DSC1: variants seen among roughly 807,000 people sequenced by gnomAD.
DSC1 encodes desmocollin 1, also known as desmocollin-1.
A neutral mutation model predicts 98.8 loss-of-function variants in DSC1; 79 were observed. The ratio of observed to expected loss-of-function variants is 0.80; its 90% CI spans 0.67 to 0.96. The LOEUF is 0.96. Among genes scored for constraint, DSC1 ranks in the 50% least tolerant of loss-of-function variants. The pLI is 0.00. For synonymous variants in DSC1, 405 were observed against 372.1 expected, an observed-to-expected ratio of 1.09 and a Z score of -1.02; for missense variants, 1,115 against 1,075.9, an observed-to-expected ratio of 1.04 and a Z score of -0.51.
At position 31,133,887 on chromosome 18, in the gene DSC1, T is replaced by C; in HGVS notation, c.2116+4A>G. On this transcript the variant is annotated splice_donor_region_variant and intron_variant, in intron 13 of 15. Coordinates refer to ENST00000257198, the MANE Select transcript of DSC1 (RefSeq NM_024421.2). ...TTCTAGATAATGATACTTAATATACTTACATAATAACAATACAGAACCCAA... is the reference window on the plus strand; with the variant it reads ...TTCTAGATAATGATACTTAATATACCTACATAATAACAATACAGAACCCAA... The C allele has an allele frequency of 2.5e-6, 4 of 1,606,084 alleles. No homozygotes were observed. The highest frequency in any genetic ancestry group is 3.4e-6 in the Non-Finnish European group (4 of 1,175,748).
In DSC1 at chr18:31,132,618, G is replaced by A. The variant is rs1237560581; in HGVS notation, c.2188C>T (p.Gln730Ter). The A allele has an allele frequency of 6.2e-7, 1 of 1,613,456 alleles. No individual in the cohort carries two copies. Among genetic ancestry groups the A allele is most frequent in the Non-Finnish European group, 8.5e-7 (1 of 1,179,642 alleles). ...VKKCFPEDIA[Q>*]QNLIVSNTEG... is the part of the protein sequence containing the mutation. ...GTATTTGATACAATTAAATTTTGCT[G>A]GGCTATGTCTTCTGGAAAACATTTC... Residue 730 changes from glutamine (Q) to a stop codon, truncating the protein, a stop_gained, in exon 14 of 16, where the codon CAG becomes TAG. Coordinates refer to ENST00000257198, the MANE Select transcript of DSC1 (RefSeq NM_024421.2). LOFTEE classifies it high-confidence loss of function.
At chr18:31,132,473 A>G in intron 14 of DSC1, 95 bp downstream of exon 14, 1 of 1,521,810 alleles carries the variant, frequency 6.6e-7, no homozygotes, top group East Asian at 2.3e-5. Flanking sequence ...TAAGTGCTCA[A>G]TAAACATTAG....
chr18:31,148,733 A>G, intron 5 of DSC1, 91 bp from the exon 6 acceptor site: 4 of 1,288,542 alleles, frequency 3.1e-6, no homozygotes, highest in Non-Finnish European at 4.2e-6. Flanking sequence ...GTAACATTAA[A>G]AAAAAAAATC....
intron 9 of DSC1, 135 bp downstream of exon 9, chr18:31,141,864 G>C (rs1248394118): frequency 2.3e-5 from 19 of 842,418 alleles, no homozygotes; most frequent in Non-Finnish European, 3.2e-5. Flanking sequence ...AAACAACAAA[G>C]TTTATATAAA....
At chr18:31,148,771 G>A (rs966712690) in intron 5 of DSC1, 129 bp from the exon 6 acceptor site, 2 of 881,160 alleles carry the variant, frequency 2.3e-6, no homozygotes, top group Non-Finnish European at 3.3e-6. Flanking sequence ...ACTAAGAAAT[G>A]ATGCAATAGA....
chr18:31,130,882 T>A, intron 15 of DSC1, 171 bp from the exon 16 acceptor site: 1 of 1,528,306 alleles, frequency 6.5e-7, no homozygotes, highest in African/African-American at 1.4e-5. Context: ...TTATAGTCAC[T>A]CTTAAAATAT....
Position 31,159,465 on chromosome 18 carries a change from G to A in DSC1, c.128C>T (p.Ala43Val), listed in dbSNP as rs1469092617. ...CTCACCTTTGCCTACAAGTGTTTCA[G>A]CCTGAAGATGAGAAGGAACTCGAAG... ...VYLRVPSHLQ[A>V]ETLVGKVNLE... Residue 43 changes from alanine (A) to valine (V), a missense_variant, in exon 2 of 16, where the codon GCT (alanine) becomes GTT (valine). Transcript: ENST00000257198. 1.2e-6 allele frequency: 2 copies of A among 1,612,332 alleles called. No homozygotes were observed. Among genetic ancestry groups the A allele is most frequent in the South Asian group, 2.2e-5 (2 of 91,026 alleles).
chr18:31,131,659 G>A lies in DSC1; in HGVS notation c.2422C>T (p.Gln808Ter). 6.2e-7 allele frequency: 1 copy of A among 1,614,032 alleles called. No individual in the cohort carries two copies. The highest frequency in any genetic ancestry group is 8.5e-7 in the Non-Finnish European group (1 of 1,179,962). ...QTLESVKGVG[Q>*]GDTGRYAYTD... ...TACGCATATCTGCCAGTATCTCCCT[G>A]CCCCACTCCCTTGACGGACTCCAAG... Residue 808 changes from glutamine (Q) to a stop codon, truncating the protein, a stop_gained, in exon 15 of 16, where the codon CAG becomes TAG. Transcript: ENST00000257198. LOFTEE classifies it high-confidence loss of function.
At chr18:31,142,206 A>T in intron 8 of DSC1, 22 bp from the exon 9 acceptor site, 1 of 1,590,124 alleles carries the variant, frequency 6.3e-7, no homozygotes, top group Non-Finnish European at 8.5e-7. Context: ...GCCCCTTATT[A>T]TTATCAATTT....
At chr18:31,144,170 A>G (rs1318074479) in intron 7 of DSC1, among the ~76,000 whole-genome samples, 1 of 152,138 alleles carries the variant, frequency 6.6e-6, no homozygotes, top group Non-Finnish European at 1.5e-5. Flanking sequence ...TCGGCCTCCC[A>G]AAGTGCTGGG....
intron 13 of DSC1, among the ~76,000 whole-genome samples, chr18:31,133,073 A>G (rs1988530293): frequency 6.6e-6 from 1 of 152,176 alleles, no homozygotes. Context: ...ATTACATAAA[A>G]TTGGTGTCTG....
chr18:31,161,692 A>G (rs1451763862), intron 1 of DSC1, among the ~76,000 whole-genome samples: 2 of 152,130 alleles, frequency 1.3e-5, no homozygotes, highest in East Asian at 3.9e-4. Flanking sequence ...CATTTTTACC[A>G]CATTTTACCA....
In DSC1 at chr18:31,131,684, G is replaced by C. The variant is rs1410263142; in HGVS notation, c.2397C>G (p.Thr799=). ...GCCCCACTCCCTTGACGGACTCCAA[G>C]GTCTGATGTCCACCTCCTTTGTTGG... ...LDSNKGGGHQ[T]LESVKGVGQG... The change falls in exon 15 of 16, where the codon ACC becomes ACG. Residue 799 remains threonine (T), a synonymous_variant. Coordinates refer to ENST00000257198, the MANE Select transcript of DSC1 (RefSeq NM_024421.2). 1 of 1,614,062 alleles carries C rather than the reference G, an allele frequency of 6.2e-7. No homozygotes were observed. Among genetic ancestry groups the C allele is most frequent in the Non-Finnish European group, 8.5e-7 (1 of 1,179,986 alleles).
At chr18:31,157,635 G>A (rs1367298729) in intron 2 of DSC1, 62 bp from the exon 3 acceptor site, 1 of 1,580,192 alleles carries the variant, frequency 6.3e-7, no homozygotes. Context: ...AAGTTTTACA[G>A]GAATGACAGC....
chr18:31,150,150 C>T (rs1349039973), intron 5 of DSC1, among the ~76,000 whole-genome samples: 2 of 144,392 alleles, frequency 1.4e-5, no homozygotes, highest in Non-Finnish European at 3.0e-5. Context: ...ATTATCATCG[C>T]AATCACCACC....
chr18:31,137,851 A>G (rs1988644132), intron 11 of DSC1, among the ~76,000 whole-genome samples: 3 of 152,144 alleles, frequency 2.0e-5, no homozygotes, highest in Non-Finnish European at 4.4e-5. Context: ...CTCGACTGAC[A>G]GCAGGGACAT....
chr18:31,143,802 G>T lies in DSC1; in HGVS notation c.940-11C>A. On this transcript the variant is annotated splice_polypyrimidine_tract_variant and intron_variant, in intron 7 of 15. Transcript: ENST00000257198. Reference sequence around the variant, plus strand: ...GTAAGTATCACATTTCTGAAAAAAAGGAAAAAACTACATTAATGAACACTT... The same window carrying T: ...GTAAGTATCACATTTCTGAAAAAAATGAAAAAACTACATTAATGAACACTT... 1.3e-6 allele frequency: 2 copies of T among 1,536,752 alleles called. No homozygotes were observed. The highest frequency in any genetic ancestry group is 1.7e-6 in the Non-Finnish European group (2 of 1,146,168).
chr18:31,133,652 C>T (rs933730816), intron 13 of DSC1, among the ~76,000 whole-genome samples: 1 of 151,808 alleles, frequency 6.6e-6, no homozygotes, highest in Non-Finnish European at 1.5e-5. Context: ...AATAATTTAC[C>T]CAATGTCTCA....
chr18:31,154,784 T>C lies in DSC1; in HGVS notation c.617A>G (p.Glu206Gly). 6.2e-7 allele frequency: 1 copy of C among 1,610,960 alleles called. No individual in the cohort carries two copies. Among genetic ancestry groups the C allele is most frequent in the Non-Finnish European group, 8.5e-7 (1 of 1,178,698 alleles). Residue 206 changes from glutamate to glycine, a missense_variant, in exon 5 of 16, where the codon GAA (glutamate) becomes GGA (glycine). Coordinates refer to ENST00000257198, the MANE Select transcript of DSC1 (RefSeq NM_024421.2). ...CTRSIDREKY[E>G]QFALYGYATT... ...TTTCAATAATCCTACCGCAAACTGTTCATATTTCTCACGGTCAATGCTCCT... is the reference window on the plus strand; with the variant it reads ...TTTCAATAATCCTACCGCAAACTGTCCATATTTCTCACGGTCAATGCTCCT...
Sources: gnomAD v4.1 joint callset for allele counts (sites outside exome capture counted in the v4.1 genomes callset) on GRCh38, gnomAD v4.1.1 for gene constraint, MANE v1.5 for transcripts, NCBI Gene and HGNC (gene_info 2026-07-23, HGNC 2026-07-21) for gene names.